Variants in C6orf118 observed in about 807,000 individuals in gnomAD.
C6orf118 encodes the protein chromosome 6 open reading frame 118.
C6orf118 carries 50 observed loss-of-function variants against 50.2 expected under a neutral mutation model. The ratio of observed to expected loss-of-function variants is 1.00; its 90% confidence interval spans 0.79 to 1.26. C6orf118 has a LOEUF of 1.26. Among genes scored for constraint, C6orf118 ranks in the 50% most tolerant of loss-of-function variants. The pLI, the probability that C6orf118 is intolerant of heterozygous loss-of-function variation, is 0.00. For synonymous variants in C6orf118, 239 were observed against 230.9 expected (o/e 1.03, Z -0.32); for missense variants, 641 against 578.7 (o/e 1.11, Z -1.10).
At chr6:165,302,318 G>C in intron 1 of C6orf118, 22 bp from the exon 2 acceptor site, 3 of 1,602,570 alleles carry the variant, frequency 1.9e-6, no homozygotes, top group Admixed American at 1.7e-5. Context: ...AGAAAAGGAG[G>C]CTCTTAGGGA....
chr6:165,289,856 T>G, intron 7 of C6orf118, 30 bp downstream of exon 7: 1 of 1,464,666 alleles, frequency 6.8e-7, no homozygotes, highest in Non-Finnish European at 9.2e-7. Flanking sequence ...AAAAGAATAA[T>G]GTAAATATTT....
chr6:165,289,174 CAAAAAAA>C (rs568080826), intron 7 of C6orf118, among the ~76,000 whole-genome samples: 3 of 131,398 alleles, frequency 2.3e-5, no homozygotes, highest in Non-Finnish European at 3.3e-5. Context: ...GTCCCCCCTC[CAAAAAAA>C]AAAAGAAAAA....
chr6:165,289,876 A>T lies in C6orf118; in HGVS notation c.1302+10T>A. 1 of 1,533,236 alleles carries T rather than the reference A, an allele frequency of 6.5e-7. No individual in the cohort carries two copies. The highest frequency in any genetic ancestry group is 8.8e-7 in the Non-Finnish European group (1 of 1,138,270). 95.0% of individuals were successfully genotyped at this position (1,533,236 alleles called of 1,614,324 possible). A position where few individuals can be genotyped will look rare whatever the true frequency, so the allele number is the denominator to read the frequency against. ...AATAATGTAAATATTTAAATAAATA[A>T]GTTGCGTACCTCTATGCTTTTAATC... is the stretch of plus-strand genomic sequence containing the variant. On this transcript the variant is annotated intron_variant, in intron 7 of 8. Transcript: ENST00000230301.
intron 1 of C6orf118, among the ~76,000 whole-genome samples, chr6:165,306,228 A>G (rs1346264144): frequency 4.5e-5 from 2 of 44,802 alleles, no homozygotes; most frequent in Non-Finnish European, 8.4e-5. Flanking sequence ...GCAAGAACAA[A>G]AAACCAAACA....
intron 5 of C6orf118, among the ~76,000 whole-genome samples, chr6:165,297,272 T>G (rs925648471): frequency 6.6e-6 from 1 of 151,760 alleles, no homozygotes; most frequent in African/African-American, 2.4e-5. Context: ...AATACAAAAA[T>G]TAGCCGGGCG....
chr6:165,290,605 GAGA>G (rs1364790993), intron 6 of C6orf118, among the ~76,000 whole-genome samples: 2 of 152,190 alleles, frequency 1.3e-5, no homozygotes, highest in African/African-American at 4.8e-5. Context: ...GGGCAGATCT[GAGA>G]AGATTTGTGA....
At chr6:165,286,035 G>T (rs1779892633) in intron 7 of C6orf118, among the ~76,000 whole-genome samples, 1 of 151,602 alleles carries the variant, frequency 6.6e-6, no homozygotes, top group Non-Finnish European at 1.5e-5. Context: ...CCACTAGCTA[G>T]ATTAATAAAG....
chr6:165,294,616 T>C lies in C6orf118; in HGVS notation c.1062-1145A>G, dbSNP rs1780228013. Among the ~76,000 whole-genome samples, 3 of 152,180 alleles carry C rather than the reference T, an allele frequency of 2.0e-5. No individual in the cohort carries two copies. In the South Asian group the frequency reaches 6.2e-4, roughly 32 times the overall value. On this transcript the variant is annotated intron_variant, in intron 5 of 8. Transcript: ENST00000230301. ...TTTAAGAAACTGGAGCCAGGTGTGGTGACTCATGCCTGTAATCCCAGCACT... is the reference window on the plus strand; with the variant it reads ...TTTAAGAAACTGGAGCCAGGTGTGGCGACTCATGCCTGTAATCCCAGCACT...
chr6:165,297,616 A>G (rs1377958856), intron 5 of C6orf118, among the ~76,000 whole-genome samples: 3 of 152,162 alleles, frequency 2.0e-5, no homozygotes, highest in Non-Finnish European at 4.4e-5. Context: ...GGAAAATGAT[A>G]CAGAGAGGTT....
intron 5 of C6orf118, among the ~76,000 whole-genome samples, chr6:165,297,671 T>C (rs1562331079): frequency 6.6e-6 from 1 of 152,138 alleles, no homozygotes; most frequent in Non-Finnish European, 1.5e-5. Flanking sequence ...GGGGCATTCA[T>C]ATAAGGTGTC....
At chr6:165,296,093 C>A (rs1489850288) in intron 5 of C6orf118, among the ~76,000 whole-genome samples, 1 of 152,110 alleles carries the variant, frequency 6.6e-6, no homozygotes, top group African/African-American at 2.4e-5. Context: ...TTCCCAAAAC[C>A]TCACTTGCTC....
chr6:165,280,174 T>C, intron 8 of C6orf118, 64 bp from the exon 9 acceptor site: 1 of 1,198,636 alleles, frequency 8.3e-7, no homozygotes, highest in Non-Finnish European at 1.2e-6. Flanking sequence ...TGAAATAAAA[T>C]TTCAAAATAA....
At chr6:165,291,372 G>A (rs1310063813) in intron 6 of C6orf118, among the ~76,000 whole-genome samples, 2 of 152,176 alleles carry the variant, frequency 1.3e-5, no homozygotes, top group Non-Finnish European at 2.9e-5. Flanking sequence ...GAAGCATGGA[G>A]GTAAGAAAGA....
intron 2 of C6orf118, 101 bp from the exon 3 acceptor site, chr6:165,300,587 G>T: frequency 8.6e-7 from 1 of 1,168,470 alleles, no homozygotes; most frequent in Non-Finnish European, 1.2e-6. Flanking sequence ...CATCACCCTG[G>T]CGAGTGGGCG....
Position 165,300,423 on chromosome 6 carries a change from CTT to C in C6orf118, c.815_816del (p.Lys272SerfsTer3), listed in dbSNP as rs1275836062. ...GAACTGTTACAAATATCTTCAAAGACTTTTCCAAAGACGTGCAGTCTGTTGAA... is the reference window on the plus strand; with the variant it reads ...GAACTGTTACAAATATCTTCAAAGACTTCCAAAGACGTGCAGTCTGTTGAA... ...QQFNRLHVFG[K>X]VFEDICNSSL... On this transcript the variant is annotated frameshift_variant, in exon 3 of 9. Transcript: ENST00000230301. LOFTEE classifies it high-confidence loss of function. 8.7e-6 allele frequency: 14 copies of C among 1,613,884 alleles called. No homozygotes were observed. Among genetic ancestry groups the C allele is most frequent in the Non-Finnish European group, 1.1e-5 (13 of 1,179,910 alleles).
intron 6 of C6orf118, among the ~76,000 whole-genome samples, chr6:165,292,863 C>T (rs934134009): frequency 1.3e-5 from 2 of 152,150 alleles, no homozygotes; most frequent in African/African-American, 4.8e-5. Flanking sequence ...AGCACTCTGG[C>T]AAGGATCTTC....
chr6:165,301,435 A>G, intron 2 of C6orf118, 134 bp downstream of exon 2: 1 of 1,254,922 alleles, frequency 8.0e-7, no homozygotes, highest in Non-Finnish European at 1.1e-6. Context: ...TGCACCGAGA[A>G]CACTGCCCCA....
chr6:165,291,270 T>G lies in C6orf118; in HGVS notation c.1121-1203A>C, dbSNP rs1174739623. Among the ~76,000 whole-genome samples, 4 of 152,136 alleles carry G rather than the reference T, an allele frequency of 2.6e-5. No individual in the cohort carries two copies. The South Asian group carries it at 6.2e-4, about 24-fold the overall frequency. Reference sequence around the variant, plus strand: ...GAAAAAGAAAATAGACCTTAGTAATTGACTAGATCTGGCAATGTAGAGAAG... The same window carrying G: ...GAAAAAGAAAATAGACCTTAGTAATGGACTAGATCTGGCAATGTAGAGAAG... On this transcript the variant is annotated intron_variant, in intron 6 of 8. Coordinates refer to ENST00000230301, the MANE Select transcript of C6orf118 (RefSeq NM_144980.4).
intron 2 of C6orf118, among the ~76,000 whole-genome samples, chr6:165,301,147 T>C (rs1780513833): frequency 6.6e-6 from 1 of 151,888 alleles, no homozygotes; most frequent in Admixed American, 6.6e-5. Flanking sequence ...ACCCAAACTG[T>C]CCCCATTGAA....
Sources: gnomAD v4.1 joint callset for allele counts (sites outside exome capture counted in the v4.1 genomes callset) on GRCh38, gnomAD v4.1.1 for gene constraint, MANE v1.5 for transcripts, NCBI Gene and HGNC (gene_info 2026-07-23, HGNC 2026-07-21) for gene names.